MGST3: variants seen among roughly 807,000 people sequenced by gnomAD.
MGST3 encodes microsomal glutathione S-transferase 3.
Under a neutral mutation model 15.8 loss-of-function variants are expected in MGST3, and 13 were observed. That is an observed-to-expected ratio of 0.82 (90% confidence interval 0.54 to 1.31). MGST3 has a LOEUF of 1.31. Ranked by LOEUF, MGST3 falls within the 50% of genes most tolerant of loss-of-function variation. The probability of loss-of-function intolerance (pLI) is 0.00; values close to 1 mark genes in which losing one functional copy is unlikely to be tolerated. For missense variants in MGST3, 155 were observed against 192.4 expected (o/e 0.81, Z 1.15); for synonymous variants, 49 against 68.1 (o/e 0.72, Z 1.38).
chr1:165,653,971 T>C, intron 4 of MGST3: 1 of 393,374 alleles, frequency 2.5e-6, no homozygotes, highest in Non-Finnish European at 4.7e-6. Context: ...CATGTCCTTC[T>C]CTTGAGCTCT....
At chr1:165,641,130 C>T (rs1183716276) in intron 1 of MGST3, among the ~76,000 whole-genome samples, 1 of 152,170 alleles carries the variant, frequency 6.6e-6, no homozygotes, top group Non-Finnish European at 1.5e-5. Flanking sequence ...TTGCAGTGAG[C>T]CTAGATCGTG....
At chr1:165,643,090 TTTC>T (rs1648303222) in intron 1 of MGST3, among the ~76,000 whole-genome samples, 1 of 152,244 alleles carries the variant, frequency 6.6e-6, no homozygotes, top group Non-Finnish European at 1.5e-5. Flanking sequence ...ATTTTAATAC[TTTC>T]TTAATTTTTT....
intron 1 of MGST3, among the ~76,000 whole-genome samples, chr1:165,636,166 T>C (rs1245801983): frequency 6.6e-6 from 1 of 152,168 alleles, no homozygotes; most frequent in Non-Finnish European, 1.5e-5. Flanking sequence ...TGTCCTATCA[T>C]AGAAACAGAT....
At chr1:165,637,759 G>A (rs2101715138) in intron 1 of MGST3, among the ~76,000 whole-genome samples, 1 of 152,322 alleles carries the variant, frequency 6.6e-6, no homozygotes, top group Non-Finnish European at 1.5e-5. Flanking sequence ...ATGAACCCCT[G>A]TGTTGCTAAC....
At position 165,655,490 on chromosome 1, in the gene MGST3, A is replaced by C; in HGVS notation, c.445A>C (p.Lys149Gln). 3.1e-6 allele frequency: 5 copies of C among 1,614,084 alleles called. No individual in the cohort carries two copies. The highest frequency in any genetic ancestry group is 4.2e-6 in the Non-Finnish European group (5 of 1,179,994). ...TAAAAGTGGCTTGGGCAGTGGACCC[A>C]AATGCTGCCATTAAAGAATTATAGG... ...WVKSGLGSGP[K>Q]CCH Residue 149 changes from lysine (K) to glutamine (Q), a missense_variant, in exon 6 of 6, where the codon AAA (lysine) becomes CAA (glutamine). By Grantham distance (53) the Lys-to-Gln change is moderately conservative. Coordinates refer to ENST00000367889, the MANE Select transcript of MGST3 (RefSeq NM_004528.4).
At chr1:165,654,929 A>C (rs1393930560) in intron 5 of MGST3, among the ~76,000 whole-genome samples, 1 of 152,208 alleles carries the variant, frequency 6.6e-6, no homozygotes, top group Non-Finnish European at 1.5e-5. Flanking sequence ...ACAAATTAGG[A>C]AACTGGGACT....
At chr1:165,641,469 CA>C (rs1648264180) in intron 1 of MGST3, among the ~76,000 whole-genome samples, 1 of 152,168 alleles carries the variant, frequency 6.6e-6, no homozygotes, top group South Asian at 2.1e-4. Context: ...TTATTTTAAA[CA>C]AAATCAGAAC....
At chr1:165,635,470 A>G (rs962996818) in intron 1 of MGST3, among the ~76,000 whole-genome samples, 8 of 152,196 alleles carry the variant, frequency 5.3e-5, no homozygotes, top group East Asian at 3.8e-4. Context: ...CAGAGTTTCA[A>G]CAGAGTTCGT....
Position 165,655,518 on chromosome 1 carries a change from T to C in MGST3, c.*14T>C. 6.2e-7 allele frequency: 1 copy of C among 1,613,866 alleles called. No individual in the cohort carries two copies. Among genetic ancestry groups the C allele is most frequent in the South Asian group, 1.1e-5 (1 of 91,060 alleles). On this transcript the variant is annotated 3_prime_UTR_variant, in exon 6 of 6. Transcript: ENST00000367889. Reference sequence around the variant, plus strand: ...TGCTGCCATTAAAGAATTATAGGGGTTTAAAAACTCTCATTCATTTTAAAT... The same window carrying C: ...TGCTGCCATTAAAGAATTATAGGGGCTTAAAAACTCTCATTCATTTTAAAT...
At chr1:165,637,390 A>AG (rs1648141513) in intron 1 of MGST3, among the ~76,000 whole-genome samples, 4 of 152,234 alleles carry the variant, frequency 2.6e-5, no homozygotes, top group Non-Finnish European at 5.9e-5. Context: ...GTGTCACTTC[A>AG]TGGCTCAGAA....
chr1:165,649,429 CCT>C (rs1032754595), intron 1 of MGST3: 25 of 183,204 alleles, frequency 1.4e-4, no homozygotes, highest in Admixed American at 2.3e-4. Flanking sequence ...ATGTCCTGCT[CCT>C]CTCACTCCCT....
At chr1:165,632,083 C>T in intron 1 of MGST3, 2 of 632,382 alleles carry the variant, frequency 3.2e-6, no homozygotes. Flanking sequence ...GTTGTGGCTT[C>T]TGCTGATACT....
chr1:165,635,866 CCTTACTTG>C (rs1317587076), intron 1 of MGST3: 1 of 152,180 alleles, frequency 6.6e-6, no homozygotes, highest in Non-Finnish European at 1.5e-5. Context: ...CTGCTATTTG[CCTTACTTG>C]AACCAGTAAT....
At chr1:165,634,291 C>T (rs933941447) in intron 1 of MGST3, among the ~76,000 whole-genome samples, 9 of 152,062 alleles carry the variant, frequency 5.9e-5, no homozygotes, top group Admixed American at 3.9e-4. Context: ...GCTCTGTGAT[C>T]GCTGTGTGAC....
At chr1:165,651,904 A>AAAAAAAC in intron 3 of MGST3, 74 bp from the exon 4 acceptor site, 2 of 988,712 alleles carry the variant, frequency 2.0e-6, no homozygotes, top group Non-Finnish European at 1.5e-6. Flanking sequence ...AAAAAAAAAA[A>AAAAAAAC]AAAAAAATTC....
intron 4 of MGST3, among the ~76,000 whole-genome samples, chr1:165,653,248 G>T (rs11800476): frequency 0.063 from 9,522 of 152,080 alleles, 291 homozygotes; most frequent in Middle Eastern, 0.096. Context: ...GTCCTCATTT[G>T]GTGTCCCCAC....
intron 4 of MGST3, among the ~76,000 whole-genome samples, chr1:165,653,443 G>A (rs986754443): frequency 2.6e-5 from 4 of 152,144 alleles, no homozygotes; most frequent in Admixed American, 6.5e-5. Context: ...AGGGACTGGT[G>A]TTATTTTCAT....
chr1:165,655,767 GTC>G lies in MGST3; in HGVS notation c.*265_*266del. The G allele has an allele frequency of 2.1e-6, 1 of 485,518 alleles. No homozygotes were observed. The highest frequency in any genetic ancestry group is 3.7e-6 in the Non-Finnish European group (1 of 268,160). 30.1% of individuals were successfully genotyped at this position (485,518 alleles called of 1,614,324 possible). On this transcript the variant is annotated 3_prime_UTR_variant, in exon 6 of 6. Transcript: ENST00000367889. The stretch of plus-strand genomic sequence containing the variant: ...CTGTAGTATGTGAGGTTGAGAAAAA[GTC>G]TGATTGTGGTGATGTAGGTATAGTC...
chr1:165,651,180 T>G, intron 3 of MGST3, 93 bp downstream of exon 3: 3 of 1,051,428 alleles, frequency 2.9e-6, no homozygotes, highest in Non-Finnish European at 4.5e-6. Flanking sequence ...ATTTGCTGAG[T>G]CATAGTGATG....
Sources: gnomAD v4.1 joint callset for allele counts (sites outside exome capture counted in the v4.1 genomes callset) on GRCh38, gnomAD v4.1.1 for gene constraint, MANE v1.5 for transcripts, NCBI Gene and HGNC (gene_info 2026-07-23, HGNC 2026-07-21) for gene names.